MYT1: variants seen among roughly 807,000 people sequenced by gnomAD.
MYT1 encodes the protein myelin transcription factor 1, also known as myelin transcription factor I.
In MYT1, 23 loss-of-function variants were observed where a neutral mutation model predicts 123.0. The ratio of observed to expected loss-of-function variants is 0.19; its 90% CI spans 0.13 to 0.26. The LOEUF is 0.26. Ranked by LOEUF, MYT1 falls within the 10% of genes least tolerant of loss-of-function variation. MYT1 has a pLI of 1.00. For synonymous variants in MYT1, 518 were observed against 575.3 expected, an observed-to-expected ratio of 0.90 and a Z score of 1.43; for missense variants, 1,125 against 1,472.5, an observed-to-expected ratio of 0.76 and a Z score of 3.86.
At chr20:64,180,888 C>G (rs771071990) in intron 1 of MYT1, among the ~76,000 whole-genome samples, 1 of 152,218 alleles carries the variant, frequency 6.6e-6, no homozygotes, top group Admixed American at 6.5e-5. Context: ...CCACATGCAC[C>G]TCCCTGCCCT....
intron 2 of MYT1, among the ~76,000 whole-genome samples, chr20:64,198,143 C>T (rs866654144): frequency 3.2e-4 from 48 of 151,856 alleles, no homozygotes; most frequent in African/African-American, 1.0e-3. Flanking sequence ...AAAAATTAGC[C>T]GGGCGTGGTA....
At chr20:64,178,534 A>G (rs1214375723) in intron 1 of MYT1, among the ~76,000 whole-genome samples, 37 of 149,696 alleles carry the variant, frequency 2.5e-4, no homozygotes, top group African/African-American at 6.9e-4. Context: ...TCGGTGGGAT[A>G]CCCTTCAACG....
intron 10 of MYT1, among the ~76,000 whole-genome samples, chr20:64,216,654 G>A (rs944930160): frequency 3.9e-5 from 6 of 152,200 alleles, no homozygotes; most frequent in African/African-American, 1.2e-4. Flanking sequence ...AGGTTATGCT[G>A]CCTTGGAGTG....
chr20:64,177,875 T>C (rs1235659322), intron 1 of MYT1, among the ~76,000 whole-genome samples: 1 of 152,236 alleles, frequency 6.6e-6, no homozygotes, highest in Non-Finnish European at 1.5e-5. Flanking sequence ...CTCAGGTGCC[T>C]GGTCCCCTGG....
chr20:64,238,158 C>T (rs1984608222), intron 21 of MYT1, among the ~76,000 whole-genome samples: 1 of 151,968 alleles, frequency 6.6e-6, no homozygotes, highest in African/African-American at 2.4e-5. Flanking sequence ...AGAGCATGCC[C>T]CACCTGTGGC....
At chr20:64,183,994 A>G (rs1331480889) in intron 1 of MYT1, among the ~76,000 whole-genome samples, 1 of 151,862 alleles carries the variant, frequency 6.6e-6, no homozygotes, top group Non-Finnish European at 1.5e-5. Context: ...CTAATTTTGT[A>G]TTTTCAGTAG....
Position 64,240,589 on chromosome 20 carries a change from G to C in MYT1, c.*141G>C. 7.8e-7 allele frequency: 1 copy of C among 1,280,738 alleles called. No individual in the cohort carries two copies. Among genetic ancestry groups the C allele is most frequent in the South Asian group, 1.6e-5 (1 of 61,300 alleles). 79.3% of individuals were successfully genotyped at this position (1,280,738 alleles called of 1,614,324 possible). On this transcript the variant is annotated 3_prime_UTR_variant, in exon 23 of 23. Transcript: ENST00000328439. The stretch of plus-strand genomic sequence containing the variant: ...CGCGGGCGGGTTTATCCAAAGGGAT[G>C]GCTGGAAATTGGCCGCTCCCACGAG...
rs77256352 is a variant in MYT1, at chr20:64,210,095, T to C, written c.1292-1111T>C. On this transcript the variant is annotated intron_variant, in intron 7 of 22. Coordinates refer to ENST00000328439, the MANE Select transcript of MYT1 (RefSeq NM_004535.3). The stretch of plus-strand genomic sequence containing the variant: ...TCAGCGCAGAATTTGGTGGGACACA[T>C]ATGAGGAACACAGACACCAAGTGAC... Among the ~76,000 whole-genome samples, 1,512 of 152,202 alleles carry C rather than the reference T, an allele frequency of 9.9e-3. 32 individuals carry two copies. The highest frequency in any genetic ancestry group is 0.035 in the African/African-American group (1,436 of 41,520).
At chr20:64,181,381 C>G (rs1293043480) in intron 1 of MYT1, among the ~76,000 whole-genome samples, 1 of 152,158 alleles carries the variant, frequency 6.6e-6, no homozygotes, top group Non-Finnish European at 1.5e-5. Context: ...CTCAGCGTTT[C>G]CTCCGTCTCT....
At position 64,205,766 on chromosome 20, in the gene MYT1, A is replaced by G; in HGVS notation, c.363A>G (p.Gly121=). The change falls in exon 6 of 23, where the codon GGA becomes GGG. Residue 121 remains glycine, a synonymous_variant. Coordinates refer to ENST00000328439, the MANE Select transcript of MYT1 (RefSeq NM_004535.3). ...TLEGAEAETS[G]QDEIHRPETA... ...AGGGGGCCGAGGCTGAGACGTCAGG[A>G]CAGGACGAGATTCATCGCCCCGAGA... The G allele has an allele frequency of 6.2e-7, 1 of 1,614,090 alleles. No homozygotes were observed. Among genetic ancestry groups the G allele is most frequent in the Non-Finnish European group, 8.5e-7 (1 of 1,180,026 alleles).
intron 1 of MYT1, among the ~76,000 whole-genome samples, chr20:64,181,144 T>C (rs1982641960): frequency 6.6e-6 from 1 of 152,234 alleles, no homozygotes; most frequent in Non-Finnish European, 1.5e-5. Context: ...CAAAAGCTTT[T>C]AGGGTCTTTT....
chr20:64,199,755 C>T (rs931773260), intron 3 of MYT1, 137 bp from the exon 4 acceptor site: 2 of 991,460 alleles, frequency 2.0e-6, no homozygotes, highest in African/African-American at 3.2e-5. Flanking sequence ...GGGGAAACGG[C>T]TCAGGTCTCA....
At chr20:64,205,507 C>T (rs753418058) in intron 5 of MYT1, 46 bp from the exon 6 acceptor site, 33 of 1,601,572 alleles carry the variant, frequency 2.1e-5, no homozygotes, top group Admixed American at 5.1e-5. Context: ...TGAGGCCTCT[C>T]GTGGCCCTAG....
Position 64,219,104 on chromosome 20 carries a change from T to C in MYT1, c.1971+69T>C, listed in dbSNP as rs7261460. On this transcript the variant is annotated intron_variant, in intron 12 of 22. Coordinates refer to ENST00000328439, the MANE Select transcript of MYT1 (RefSeq NM_004535.3). ...GGTGGAATTTGCAGTCAGGCCCACC[T>C]GCTCTCTGCACAAAATGTCCCTAGG... The C allele has an allele frequency of 6.2e-3, 9,410 of 1,514,890 alleles. 530 individuals are homozygous for C. The African/African-American group carries it at 0.12, about 19-fold the overall frequency. 93.8% of individuals were successfully genotyped at this position (1,514,890 alleles called of 1,614,324 possible).
In MYT1 at chr20:64,219,956, C is replaced by A; in HGVS notation, c.2215C>A (p.Arg739Ser). 1.3e-6 allele frequency: 2 copies of A among 1,518,398 alleles called. No individual in the cohort carries two copies. The highest frequency in any genetic ancestry group is 1.8e-6 in the Non-Finnish European group (2 of 1,129,474). The allele number at this position is 1,518,398 out of a possible 1,614,324, so 94.1% of individuals were successfully genotyped here. ...GCCCCTGGACTACACCAAGCCTAGC[C>A]GCCTGAGAGAGGAGGAACCTGAGGA... The part of the protein sequence containing the change: ...DRPLDYTKPS[R>S]LREEEPEESE... Residue 739 changes from arginine (R) to serine (S), a missense_variant, in exon 13 of 23, where the codon CGC (arginine) becomes AGC (serine). By Grantham distance (110) the Arg-to-Ser change is moderately radical. Around this residue, in one of 4 missense-constraint regions of MYT1, gnomAD observed 429 missense variants for 604.1 expected, o/e 0.71. Coordinates refer to ENST00000328439, the MANE Select transcript of MYT1 (RefSeq NM_004535.3).
At chr20:64,220,223 G>A (rs1173289989) in intron 13 of MYT1, among the ~76,000 whole-genome samples, 2 of 152,236 alleles carry the variant, frequency 1.3e-5, no homozygotes, top group East Asian at 1.9e-4. Context: ...TCAAGAAGGA[G>A]GTGGTCTTCT....
At position 64,218,937 on chromosome 20, in the gene MYT1, G is replaced by A; in HGVS notation, c.1873G>A (p.Ala625Thr). The change falls in exon 12 of 23, where the codon GCT (alanine) becomes ACT (threonine). Residue 625 changes from alanine to threonine, a missense_variant. Ala to Thr is a moderately conservative substitution (Grantham distance 58, BLOSUM62 0). Transcript: ENST00000328439. The surrounding 1 kb of genome is among the most constrained non-coding windows in gnomAD (Gnocchi z 4.0). ...QCFDYSQDAE[A>T]AHMAATAILN... is the part of the protein sequence containing the mutation. ...CTTTGACTACTCGCAGGACGCCGAG[G>A]CTGCACACATGGCTGCCACTGCCAT... The A allele has an allele frequency of 2.5e-6, 4 of 1,613,686 alleles. No homozygotes were observed. Among genetic ancestry groups the A allele is most frequent in the Non-Finnish European group, 3.4e-6 (4 of 1,180,024 alleles).
intron 1 of MYT1, among the ~76,000 whole-genome samples, chr20:64,184,083 G>A (rs954061961): frequency 6.6e-6 from 1 of 152,138 alleles, no homozygotes; most frequent in African/African-American, 2.4e-5. Flanking sequence ...GTCTCCCAAA[G>A]TGTTGGGATT....
At chr20:64,234,372 C>T (rs957863773) in intron 19 of MYT1, among the ~76,000 whole-genome samples, 1 of 152,146 alleles carries the variant, frequency 6.6e-6, no homozygotes, top group African/African-American at 2.4e-5. Flanking sequence ...CAGAGGGAGC[C>T]CTGCTGAGAG....
Sources: allele counts gnomAD v4.1 joint callset (sites outside exome capture counted in the v4.1 genomes callset), GRCh38; gene constraint gnomAD v4.1.1; regional missense constraint gnomAD v4.1.1; non-coding constraint Gnocchi (gnomAD v3.1); transcripts MANE v1.5; gene names NCBI Gene and HGNC (gene_info 2026-07-23, HGNC 2026-07-21).